The following RTL4 variants were observed in gnomAD, a reference collection of about 807,000 sequenced individuals.
RTL4 encodes the protein retrotransposon Gag like 4, also known as retrotransposon Gag-like protein 4.
In RTL4, 4 loss-of-function variants were observed where a neutral mutation model predicts 5.3. The observed-to-expected ratio is 0.75, with a 90% CI of 0.37 to 1.72. The LOEUF (loss-of-function observed/expected upper bound fraction) is 1.72, where lower values mean the gene tolerates loss of function less well. Ranked by LOEUF, RTL4 falls within the 40% of genes most tolerant of loss-of-function variation. The probability of loss-of-function intolerance (pLI) is 0.04; values close to 1 mark genes in which losing one functional copy is unlikely to be tolerated. For missense variants in RTL4, 260 were observed against 227.1 expected (o/e 1.14, Z -0.93); for synonymous variants, 98 against 87.3 (o/e 1.12, Z -0.68).
chrX:112,301,636 G>A, the RTL4 span, among the ~76,000 whole-genome samples: 2 of 109,816 alleles, frequency 1.8e-5, no homozygotes, highest in African/African-American at 6.7e-5. Context: ...TTCTAAATGA[G>A]AGAAGAGAAG....
At chrX:112,240,780 C>T in the RTL4 span, among the ~76,000 whole-genome samples, 1 of 110,974 alleles carries the variant, frequency 9.0e-6, no homozygotes, top group Non-Finnish European at 1.9e-5. Flanking sequence ...CACCCATTAA[C>T]GTGTCATCTA....
the RTL4 span, among the ~76,000 whole-genome samples, chrX:112,277,358 G>T: frequency 2.7e-5 from 3 of 111,799 alleles, no homozygotes; most frequent in South Asian, 1.1e-3. Context: ...TGACCTTGGA[G>T]AGTTCATCAA....
chrX:112,298,811 C>G, the RTL4 span, among the ~76,000 whole-genome samples: 1 of 112,595 alleles, frequency 8.9e-6, no homozygotes, highest in East Asian at 2.8e-4. Flanking sequence ...TTCACCGGCA[C>G]TCAGGTGCAT....
the RTL4 span, among the ~76,000 whole-genome samples, chrX:112,154,832 G>A: frequency 0.091 from 10,071 of 111,251 alleles, 1,105 homozygotes; most frequent in African/African-American, 0.31. Flanking sequence ...CACAGTCCTA[G>A]CCATTTGCAT....
chrX:112,088,548 G>A, the RTL4 span, among the ~76,000 whole-genome samples: 1 of 112,057 alleles, frequency 8.9e-6, no homozygotes, highest in Non-Finnish European at 1.9e-5. Flanking sequence ...TTTAATACAT[G>A]TTCTCAAATC....
exon 1 of RTL4, chrX:112,455,400 G>A: frequency 8.3e-7 from 1 of 1,211,497 alleles, no homozygotes; most frequent in Non-Finnish European, 1.1e-6. Flanking sequence ...ACAGGCCAGA[G>A]CTCCTACAGT....
the RTL4 span, among the ~76,000 whole-genome samples, chrX:112,294,441 C>CA: frequency 2.7e-5 from 3 of 110,172 alleles, no homozygotes; most frequent in Non-Finnish European, 3.8e-5. Context: ...ACTAAAAATA[C>CA]AAAAAAAATT....
chrX:112,145,912 A>G, the RTL4 span, among the ~76,000 whole-genome samples: 1 of 112,310 alleles, frequency 8.9e-6, no homozygotes, highest in South Asian at 3.7e-4. Flanking sequence ...AAGCCAAATC[A>G]TATATGCGCT....
At chrX:112,448,893 C>A in the RTL4 span, among the ~76,000 whole-genome samples, 21,717 of 111,213 alleles carry the variant, frequency 0.2, 1,768 homozygotes, top group Middle Eastern at 0.25. Flanking sequence ...AGATTTAAAT[C>A]TCTGTACACA....
chrX:112,443,607 G>A, the RTL4 span, among the ~76,000 whole-genome samples: 1 of 111,510 alleles, frequency 9.0e-6, no homozygotes. Flanking sequence ...GTTATTGCAC[G>A]ATTTTTTTAG....
the RTL4 span, among the ~76,000 whole-genome samples, chrX:112,309,189 C>G: frequency 9.0e-6 from 1 of 111,399 alleles, no homozygotes; most frequent in Non-Finnish European, 1.9e-5. Flanking sequence ...GATGGCAAGT[C>G]CAAGGTTAAG....
the RTL4 span, among the ~76,000 whole-genome samples, chrX:112,389,346 AC>A: frequency 1.8e-5 from 2 of 108,447 alleles, no homozygotes; most frequent in Non-Finnish European, 3.8e-5. Context: ...AAAAAAAAAA[AC>A]AACTCCTGGA....
chrX:112,166,531 T>C, the RTL4 span, among the ~76,000 whole-genome samples: 1 of 111,454 alleles, frequency 9.0e-6, no homozygotes, highest in African/African-American at 3.3e-5. Context: ...CTAGAGGAAG[T>C]GAGAAAGCAG....
the RTL4 span, among the ~76,000 whole-genome samples, chrX:112,140,243 T>C: frequency 1.8e-5 from 2 of 111,541 alleles, no homozygotes; most frequent in South Asian, 7.5e-4. Flanking sequence ...GATCACCTAG[T>C]GATTTCCCTG....
the RTL4 span, among the ~76,000 whole-genome samples, chrX:112,172,708 C>A: frequency 9.0e-6 from 1 of 111,094 alleles, no homozygotes; most frequent in Non-Finnish European, 1.9e-5. Flanking sequence ...ATGTTATGTT[C>A]ATTGCAGCAC....
the RTL4 span, among the ~76,000 whole-genome samples, chrX:112,320,732 T>C: frequency 8.9e-5 from 10 of 111,763 alleles, no homozygotes; most frequent in African/African-American, 2.9e-4. Context: ...GTCTATGACC[T>C]TATTAGCTAC....
the RTL4 span, among the ~76,000 whole-genome samples, chrX:112,360,239 T>C: frequency 1.8e-5 from 2 of 111,422 alleles, no homozygotes; most frequent in Admixed American, 9.6e-5. Flanking sequence ...TTAAATCAAA[T>C]TGTGGATTTG....
the RTL4 span, among the ~76,000 whole-genome samples, chrX:112,286,028 C>G: frequency 4.5e-5 from 5 of 111,440 alleles, no homozygotes; most frequent in African/African-American, 1.6e-4. Flanking sequence ...GTGTTTTATA[C>G]ATAAAATATA....
chrX:112,393,802 G>T, the RTL4 span, among the ~76,000 whole-genome samples: 1 of 111,895 alleles, frequency 8.9e-6, no homozygotes, highest in African/African-American at 3.2e-5. Context: ...ATCCTGTGGG[G>T]TGTCACGGAA....
Sources: allele counts gnomAD v4.1 joint callset (sites outside exome capture counted in the v4.1 genomes callset), GRCh38; gene constraint gnomAD v4.1.1; transcripts MANE v1.5; gene names NCBI Gene and HGNC (gene_info 2026-07-23, HGNC 2026-07-21).